Variants in TXNDC16 observed in about 807,000 individuals in gnomAD.
TXNDC16 encodes the protein thioredoxin domain-containing protein 16.
A neutral mutation model predicts 85.6 loss-of-function variants in TXNDC16; 74 were observed. The observed-to-expected ratio is 0.86, with a 90% CI of 0.72 to 1.05. The LOEUF is 1.05. Among genes scored for constraint, TXNDC16 ranks in the 50% least tolerant of loss-of-function variants. The pLI, the probability that TXNDC16 is intolerant of heterozygous loss-of-function variation, is 0.00. For synonymous variants in TXNDC16, 335 were observed against 326.5 expected, an observed-to-expected ratio of 1.03 and a Z score of -0.28; for missense variants, 959 against 947.0, an observed-to-expected ratio of 1.01 and a Z score of -0.17.
At chr14:52,533,946 A>G (rs577985891) in intron 6 of TXNDC16, among the ~76,000 whole-genome samples, 2 of 152,284 alleles carry the variant, frequency 1.3e-5, no homozygotes, top group South Asian at 4.1e-4. Context: ...AGGGGCCTGA[A>G]GGATTAGGAG....
rs768990292 is a variant in TXNDC16 at position 52,519,265 on chromosome 14, T to C, written c.421A>G (p.Ile141Val). ...TTCTGAAGGTCTTCCAGGTTGGTAA[T>C]ATATTTCACTTCACTAAAAAGAAGA... is the stretch of plus-strand genomic sequence containing the variant. The part of the protein sequence containing the change: ...FALLFSEVKY[I>V]TNLEDLQNIE... The change falls in exon 7 of 21, where the codon ATT becomes GTT. Residue 141 changes from isoleucine (I) to valine (V), a missense_variant. Coordinates refer to ENST00000281741, the MANE Select transcript of TXNDC16 (RefSeq NM_020784.3). The C allele has an allele frequency of 5.6e-6, 9 of 1,600,952 alleles. No individual in the cohort carries two copies. Among genetic ancestry groups the C allele is most frequent in the South Asian group, 4.4e-5 (4 of 89,992 alleles).
At chr14:52,520,856 T>A (rs549275328) in intron 6 of TXNDC16, among the ~76,000 whole-genome samples, 1 of 152,204 alleles carries the variant, frequency 6.6e-6, no homozygotes, top group African/African-American at 2.4e-5. Flanking sequence ...TCCTATAAAG[T>A]TTTTCCTAAT....
At position 52,552,031 on chromosome 14, in the gene TXNDC16, G is replaced by A. The variant is rs139403855; in HGVS notation, c.-182+285C>T. 6.6e-4 allele frequency among the ~76,000 whole-genome samples: 101 copies of A among 152,302 alleles called. 1 individual carries two copies. Among genetic ancestry groups the A allele is most frequent in the African/African-American group, 2.3e-3 (95 of 41,566 alleles). ...TAAGAGACATTTCCCTTGGCCTTGGGAGGAAAGGGTCTTTCACTTAAGAGC... is the reference window on the plus strand; with the variant it reads ...TAAGAGACATTTCCCTTGGCCTTGGAAGGAAAGGGTCTTTCACTTAAGAGC... On this transcript the variant is annotated intron_variant, in intron 1 of 20. Transcript: ENST00000281741.
intron 9 of TXNDC16, among the ~76,000 whole-genome samples, chr14:52,501,054 G>C (rs1183919831): frequency 6.6e-6 from 1 of 152,122 alleles, no homozygotes; most frequent in African/African-American, 2.4e-5. Context: ...TGTGTTCACT[G>C]TTGGGAACCT....
At chr14:52,460,787 C>A (rs1566539525) in intron 16 of TXNDC16, among the ~76,000 whole-genome samples, 1 of 152,040 alleles carries the variant, frequency 6.6e-6, no homozygotes, top group Admixed American at 6.5e-5. Context: ...TTCTTTCTCC[C>A]TTTTTTGAGA....
intron 6 of TXNDC16, among the ~76,000 whole-genome samples, chr14:52,534,245 C>T (rs2037648643): frequency 6.6e-6 from 1 of 152,196 alleles, no homozygotes; most frequent in Non-Finnish European, 1.5e-5. Context: ...TCCTGCTTCA[C>T]ATTTTATACT....
chr14:52,508,294 A>T (rs867748872), intron 9 of TXNDC16, among the ~76,000 whole-genome samples: 9 of 152,374 alleles, frequency 5.9e-5, no homozygotes, highest in South Asian at 2.1e-4. Flanking sequence ...ACATTTATGC[A>T]GCCAAAAGAC....
intron 9 of TXNDC16, among the ~76,000 whole-genome samples, chr14:52,492,249 C>T (rs1594724929): frequency 6.6e-6 from 1 of 152,176 alleles, no homozygotes; most frequent in African/African-American, 2.4e-5. Context: ...TCCCAGAATG[C>T]CAGCAGCTAG....
chr14:52,480,272 T>C (rs755621063), intron 14 of TXNDC16, among the ~76,000 whole-genome samples: 27 of 152,142 alleles, frequency 1.8e-4, no homozygotes, highest in Non-Finnish European at 3.4e-4. Flanking sequence ...AAGAATTTCA[T>C]GACCAAGGAC....
chr14:52,505,140 C>A (rs557645825), intron 9 of TXNDC16, among the ~76,000 whole-genome samples: 71 of 152,292 alleles, frequency 4.7e-4, no homozygotes, highest in Non-Finnish European at 7.5e-4. Context: ...TAACACCCCA[C>A]TGTCAACATT....
chr14:52,463,358 C>T lies in TXNDC16; in HGVS notation c.1619-6184G>A, dbSNP rs1031346289. 3.9e-5 allele frequency among the ~76,000 whole-genome samples: 6 copies of T among 152,222 alleles called. No individual in the cohort carries two copies. In the East Asian group the frequency reaches 7.7e-4, roughly 20 times the overall value. The stretch of plus-strand genomic sequence containing the variant: ...ACACCATTTGGTCACTCTATGCTTC[C>T]GGGGGTCGCTGGAAGTTCTACTATA... On this transcript the variant is annotated intron_variant, in intron 16 of 20. Transcript: ENST00000281741.
intron 20 of TXNDC16, among the ~76,000 whole-genome samples, chr14:52,436,277 G>A (rs2035024476): frequency 6.6e-6 from 1 of 152,198 alleles, no homozygotes; most frequent in South Asian, 2.1e-4. Flanking sequence ...TAACGTGGTT[G>A]ATCCTTGAAA....
chr14:52,520,852 A>G (rs1408874593), intron 6 of TXNDC16, among the ~76,000 whole-genome samples: 1 of 152,054 alleles, frequency 6.6e-6, no homozygotes, highest in Non-Finnish European at 1.5e-5. Flanking sequence ...TTCCTCCTAT[A>G]AAGTTTTTCC....
At position 52,490,857 on chromosome 14, in the gene TXNDC16, C is replaced by T; in HGVS notation, c.905G>A (p.Gly302Glu). The change falls in exon 10 of 21, where the codon GGA becomes GAA. Residue 302 changes from glycine to glutamate, a missense_variant. Transcript: ENST00000281741. ...AAGATACCTTAACAAGAGTAGAACTCCTGCTTTTCCCAGAAGACGCCAAGC... is the reference window on the plus strand; with the variant it reads ...AAGATACCTTAACAAGAGTAGAACTTCTGCTTTTCCCAGAAGACGCCAAGC... Reference protein sequence around the residue: ...WVAWRLLGKAGVLLLLRDSLE... With the variant: ...WVAWRLLGKAEVLLLLRDSLE... The T allele has an allele frequency of 6.2e-7, 1 of 1,611,608 alleles. No homozygotes were observed. The highest frequency in any genetic ancestry group is 8.5e-7 in the Non-Finnish European group (1 of 1,179,360).
In TXNDC16 at chr14:52,519,103, T is replaced by C. The variant is rs886495755; in HGVS notation, c.514+69A>G. ...TACGACTGTAGTCAAAAAAATACAC[T>C]ATTTTAAGTACTTCAACATACATAA... On this transcript the variant is annotated intron_variant, in intron 7 of 20. Transcript: ENST00000281741. 3.5e-6 allele frequency: 5 copies of C among 1,424,484 alleles called. No homozygotes were observed. The South Asian group carries it at 7.2e-5, about 20-fold the overall frequency. 88.2% of individuals were successfully genotyped at this position (1,424,484 alleles called of 1,614,324 possible). A position where few individuals can be genotyped will look rare whatever the true frequency, so the allele number is the denominator to read the frequency against.
chr14:52,545,142 T>C (rs771220632), intron 1 of TXNDC16, among the ~76,000 whole-genome samples: 55 of 152,304 alleles, frequency 3.6e-4, no homozygotes, highest in African/African-American at 1.0e-3. Flanking sequence ...GATTCCAGTA[T>C]AGAATATCAT....
chr14:52,438,232 T>C (rs1389963551), intron 20 of TXNDC16, among the ~76,000 whole-genome samples: 1 of 152,196 alleles, frequency 6.6e-6, no homozygotes, highest in Non-Finnish European at 1.5e-5. Context: ...ATTCAAAGGA[T>C]TGATTCCAAT....
chr14:52,483,071 T>TTC, intron 12 of TXNDC16, 106 bp from the exon 13 acceptor site: 1 of 961,208 alleles, frequency 1.0e-6, no homozygotes, highest in South Asian at 2.1e-5. Flanking sequence ...ATACAAACTT[T>TTC]TGAATTCATC....
chr14:52,494,691 T>G (rs1183205061), intron 9 of TXNDC16, among the ~76,000 whole-genome samples: 1 of 152,240 alleles, frequency 6.6e-6, no homozygotes, highest in Non-Finnish European at 1.5e-5. Context: ...TGGGGCTTTA[T>G]TGTGTAAGTA....
Sources: gnomAD v4.1 joint callset for allele counts (sites outside exome capture counted in the v4.1 genomes callset) on GRCh38, gnomAD v4.1.1 for gene constraint, MANE v1.5 for transcripts, NCBI Gene and HGNC (gene_info 2026-07-23, HGNC 2026-07-21) for gene names.